SLC12A2: variants seen among roughly 807,000 people sequenced by gnomAD.
SLC12A2 encodes the protein Na-K-2Cl cotransporter 1.
SLC12A2 carries 67 observed loss-of-function variants against 136.3 expected under a neutral mutation model. The ratio of observed to expected loss-of-function variants is 0.49; its 90% CI spans 0.40 to 0.60. SLC12A2 has a LOEUF of 0.60. SLC12A2 is among the 20% of genes least tolerant of loss of function. The probability of loss-of-function intolerance (pLI) is 0.00; values close to 1 mark genes in which losing one functional copy is unlikely to be tolerated. For synonymous variants in SLC12A2, 619 were observed against 562.9 expected, an observed-to-expected ratio of 1.10 and a Z score of -1.41; for missense variants, 1,322 against 1,534.7, an observed-to-expected ratio of 0.86 and a Z score of 2.32.
chr5:128,116,175 G>T (rs1464702371), intron 4 of SLC12A2, among the ~76,000 whole-genome samples: 1 of 152,120 alleles, frequency 6.6e-6, no homozygotes, highest in African/African-American at 2.4e-5. Flanking sequence ...AATCATCAAA[G>T]AATTTCTCCT....
At chr5:128,088,007 C>CTGTGTGTGTGTGTGTGTGTG (rs58191870) in intron 1 of SLC12A2, among the ~76,000 whole-genome samples, 3,513 of 140,274 alleles carry the variant, frequency 0.025, 83 homozygotes, top group African/African-American at 0.031. Flanking sequence ...GGAGGAGGCT[C>CTGTGTGTGTGTGTGTGTGTG]TGTGTGTGTG....
Position 128,141,885 on chromosome 5 carries a change from G to A in SLC12A2, c.1677G>A (p.Glu559=). 3 of 1,613,960 alleles carry A rather than the reference G, an allele frequency of 1.9e-6. No homozygotes were observed. Among genetic ancestry groups the A allele is most frequent in the Non-Finnish European group, 2.5e-6 (3 of 1,179,904 alleles). ...TGNVNDTIVT[E]LTNCTSAACK... ...ACGTTAATGACACTATCGTAACAGA[G>A]CTAACAAACTGTACTTCTGCAGCCT... The change falls in exon 10 of 27, where the codon GAG becomes GAA. Residue 559 remains glutamate, a synonymous_variant. Transcript: ENST00000262461.
chr5:128,120,484 A>G (rs1259291751), intron 4 of SLC12A2, among the ~76,000 whole-genome samples: 5 of 151,810 alleles, frequency 3.3e-5, no homozygotes, highest in Admixed American at 1.3e-4. Flanking sequence ...GATAGACTGG[A>G]TTAAGAAAAT....
At chr5:128,149,786 T>TA (rs1762640857) in intron 12 of SLC12A2, among the ~76,000 whole-genome samples, 1 of 151,868 alleles carries the variant, frequency 6.6e-6, no homozygotes, top group African/African-American at 2.4e-5. Flanking sequence ...ATGTGTGAGA[T>TA]AAAGTATAAA....
At chr5:128,184,338 T>A in intron 24 of SLC12A2, 28 bp from the exon 25 acceptor site, 1 of 1,363,640 alleles carries the variant, frequency 7.3e-7, no homozygotes, top group Non-Finnish European at 9.9e-7. Flanking sequence ...ATAAGATTAG[T>A]TGTCAGTATT....
chr5:128,112,859 A>G lies in SLC12A2; in HGVS notation c.802A>G (p.Thr268Ala), dbSNP rs372391958. 7.4e-6 allele frequency: 12 copies of G among 1,613,028 alleles called. No homozygotes were observed. The highest frequency in any genetic ancestry group is 1.0e-5 in the Non-Finnish European group (12 of 1,179,352). ...GFANGEESTPTRDAVVTYTAE... is the reference protein window; with the variant it reads ...GFANGEESTPARDAVVTYTAE... ...TGCAAATGGGGAAGAAAGTACTCCA[A>G]CCAGAGATGCTGTGGTCACGTATAC... Residue 268 changes from threonine to alanine, a missense_variant, in exon 2 of 27, where the codon ACC becomes GCC. Around this residue, in one of 8 missense-constraint regions of SLC12A2, gnomAD observed 59 missense variants for 51.5 expected, o/e 1.15. Coordinates refer to ENST00000262461, the MANE Select transcript of SLC12A2 (RefSeq NM_001046.3).
intron 15 of SLC12A2, among the ~76,000 whole-genome samples, chr5:128,155,357 A>G (rs946902755): frequency 6.6e-6 from 1 of 152,182 alleles, no homozygotes; most frequent in East Asian, 1.9e-4. Context: ...TCATCTACGT[A>G]TGCCTACCAC....
intron 10 of SLC12A2, among the ~76,000 whole-genome samples, chr5:128,142,226 C>T (rs1373026409): frequency 6.6e-6 from 1 of 152,198 alleles, no homozygotes; most frequent in Non-Finnish European, 1.5e-5. Flanking sequence ...CCCCAATCTC[C>T]CGCGTAGCTG....
chr5:128,152,599 T>A (rs1762739456), intron 14 of SLC12A2, 107 bp from the exon 15 acceptor site: 2 of 741,112 alleles, frequency 2.7e-6, no homozygotes, highest in East Asian at 5.0e-5. Flanking sequence ...ATTTCAGCAA[T>A]TGACTTTTTA....
intron 16 of SLC12A2, among the ~76,000 whole-genome samples, chr5:128,160,608 A>C (rs1329747704): frequency 6.6e-6 from 1 of 152,190 alleles, no homozygotes; most frequent in African/African-American, 2.4e-5. Flanking sequence ...AAAAATAATG[A>C]ACCTTTTTTA....
rs1759892537 is a variant in SLC12A2 at position 128,083,850 on chromosome 5, T to C, written c.-105T>C. On this transcript the variant is annotated 5_prime_UTR_variant, in exon 1 of 27. Coordinates refer to ENST00000262461, the MANE Select transcript of SLC12A2 (RefSeq NM_001046.3). ...CCGCAGGCGGCGGGGAGAAAGACTC[T>C]CTCACCTGGTCTTGCGGCTGTGGCC... 5.9e-6 allele frequency: 5 copies of C among 852,830 alleles called. No individual in the cohort carries two copies. The highest frequency in any genetic ancestry group is 3.5e-5 in the African/African-American group (2 of 56,472). 52.8% of individuals were successfully genotyped at this position (852,830 alleles called of 1,614,324 possible). A position where few individuals can be genotyped will look rare whatever the true frequency, so the allele number is the denominator to read the frequency against.
intron 22 of SLC12A2, among the ~76,000 whole-genome samples, chr5:128,180,044 A>G (rs1763658121): frequency 8.0e-6 from 1 of 124,808 alleles, no homozygotes; most frequent in South Asian, 2.6e-4. Context: ...ATCTCGGCCC[A>G]CTGAAAGCTC....
chr5:128,106,734 A>G (rs1260822874), intron 1 of SLC12A2, among the ~76,000 whole-genome samples: 2 of 152,180 alleles, frequency 1.3e-5, no homozygotes, highest in Non-Finnish European at 2.9e-5. Context: ...GTGGAGAGCT[A>G]GTTGCAAAAT....
At chr5:128,163,849 A>G (rs1189768715) in intron 17 of SLC12A2, among the ~76,000 whole-genome samples, 2 of 152,158 alleles carry the variant, frequency 1.3e-5, no homozygotes, top group Non-Finnish European at 2.9e-5. Context: ...TGGAGGCTTT[A>G]CTGTGTTTCT....
rs1470718426 is a variant in SLC12A2, at chr5:128,184,380, A to G, written c.3314A>G (p.Glu1105Gly). The G allele has an allele frequency of 6.4e-7, 1 of 1,552,138 alleles. No homozygotes were observed. Among genetic ancestry groups the G allele is most frequent in the Non-Finnish European group, 8.7e-7 (1 of 1,148,312 alleles). The change falls in exon 25 of 27, where the codon GAG becomes GGG. Residue 1105 changes from glutamate to glycine, a missense_variant. Coordinates refer to ENST00000262461, the MANE Select transcript of SLC12A2 (RefSeq NM_001046.3). Reference sequence around the variant, plus strand: ...GTTTTTTAAAGTATTATAGCTTTTGAGGAAATCATTGAGCCATACAGACTT... The same window carrying G: ...GTTTTTTAAAGTATTATAGCTTTTGGGGAAATCATTGAGCCATACAGACTT... Reference protein sequence around the residue: ...KPKKENIIAFEEIIEPYRLHE... With the variant: ...KPKKENIIAFGEIIEPYRLHE...
At chr5:128,185,042 T>C (rs1308370613) in intron 26 of SLC12A2, among the ~76,000 whole-genome samples, 186 bp downstream of exon 26, 1 of 152,180 alleles carries the variant, frequency 6.6e-6, no homozygotes. Context: ...TTTAACCTTA[T>C]GCTTATATGA....
chr5:128,178,968 A>G (rs1763618551), intron 22 of SLC12A2, among the ~76,000 whole-genome samples: 1 of 152,134 alleles, frequency 6.6e-6, no homozygotes, highest in South Asian at 2.1e-4. Context: ...TTGAAGTGCT[A>G]GTTAATGTTT....
intron 1 of SLC12A2, among the ~76,000 whole-genome samples, chr5:128,108,146 A>T (rs1415223754): frequency 6.6e-6 from 1 of 152,050 alleles, no homozygotes; most frequent in Non-Finnish European, 1.5e-5. Context: ...AATAATAGGC[A>T]TCTTCATTTT....
At chr5:128,171,986 G>A (rs1198171298) in intron 19 of SLC12A2, 3 of 330,186 alleles carry the variant, frequency 9.1e-6, no homozygotes, top group Non-Finnish European at 1.6e-5. Context: ...CAAAGCATAA[G>A]CTTAAGAGAA....
Sources: allele counts gnomAD v4.1 joint callset (sites outside exome capture counted in the v4.1 genomes callset), GRCh38; gene constraint gnomAD v4.1.1; regional missense constraint gnomAD v4.1.1; transcripts MANE v1.5; gene names NCBI Gene and HGNC (gene_info 2026-07-23, HGNC 2026-07-21).